The following AGBL1 variants were observed in gnomAD, a reference collection of about 807,000 sequenced individuals.
AGBL1 encodes the protein cytosolic carboxypeptidase 4.
AGBL1 carries 130 observed loss-of-function variants against 118.9 expected under a neutral mutation model. The observed-to-expected ratio is 1.09, with a 90% CI of 0.95 to 1.26. The LOEUF is 1.26. AGBL1 is among the 50% of genes most tolerant of loss of function. The pLI, the probability that AGBL1 is intolerant of heterozygous loss-of-function variation, is 0.00. For missense variants in AGBL1, 1,584 were observed against 1,298.1 expected, an observed-to-expected ratio of 1.22 and a Z score of -3.38; for synonymous variants, 555 against 478.9, an observed-to-expected ratio of 1.16 and a Z score of -2.08.
intron 22 of AGBL1, among the ~76,000 whole-genome samples, chr15:86,821,573 T>G (rs955901840): frequency 6.6e-6 from 1 of 152,190 alleles, no homozygotes; most frequent in Non-Finnish European, 1.5e-5. Flanking sequence ...GACTCATTTG[T>G]GTAACAGAAC....
At chr15:86,139,379 A>C (rs1319818799) in intron 1 of AGBL1, among the ~76,000 whole-genome samples, 3 of 152,118 alleles carry the variant, frequency 2.0e-5, no homozygotes, top group African/African-American at 7.2e-5. Context: ...AGGATTTGGC[A>C]CCACCCCGGG....
chr15:86,651,312 A>T (rs554825893), intron 21 of AGBL1, among the ~76,000 whole-genome samples: 4 of 152,168 alleles, frequency 2.6e-5, no homozygotes, highest in Non-Finnish European at 5.9e-5. Context: ...GACTCAGACA[A>T]TCTAACTAGT....
chr15:86,339,461 G>C (rs2080425976), intron 17 of AGBL1, among the ~76,000 whole-genome samples: 1 of 151,814 alleles, frequency 6.6e-6, no homozygotes, highest in Non-Finnish European at 1.5e-5. Flanking sequence ...CTCTAATTTG[G>C]GGACTCCAAT....
At chr15:86,167,891 A>G (rs966906864) in intron 5 of AGBL1, among the ~76,000 whole-genome samples, 3 of 152,232 alleles carry the variant, frequency 2.0e-5, no homozygotes, top group Non-Finnish European at 4.4e-5. Flanking sequence ...TGTGATCATT[A>G]GTCATCTTCA....
At chr15:87,014,756 T>C (rs2081593052) in intron 24 of AGBL1, among the ~76,000 whole-genome samples, 1 of 152,172 alleles carries the variant, frequency 6.6e-6, no homozygotes, top group Non-Finnish European at 1.5e-5. Flanking sequence ...AGTGGGGGAA[T>C]ACCTGAACAA....
intron 21 of AGBL1, among the ~76,000 whole-genome samples, chr15:86,632,217 A>G (rs896066544): frequency 2.0e-5 from 3 of 146,978 alleles, no homozygotes; most frequent in African/African-American, 5.1e-5. Flanking sequence ...GCAGTGAGTT[A>G]TGATCATGCC....
intron 5 of AGBL1, among the ~76,000 whole-genome samples, chr15:86,199,266 G>A (rs992799755): frequency 6.6e-6 from 1 of 152,148 alleles, no homozygotes; most frequent in Non-Finnish European, 1.5e-5. Flanking sequence ...ATGGGAGAAT[G>A]TTGCGTGAAG....
intron 1 of AGBL1, among the ~76,000 whole-genome samples, chr15:86,113,860 A>T (rs1897591413): frequency 6.6e-6 from 1 of 152,178 alleles, no homozygotes; most frequent in Non-Finnish European, 1.5e-5. Context: ...TCTAAGAAAA[A>T]TGACCCAAAT....
chr15:86,904,135 G>A (rs1390766084), intron 22 of AGBL1, among the ~76,000 whole-genome samples: 1 of 152,168 alleles, frequency 6.6e-6, no homozygotes, highest in Non-Finnish European at 1.5e-5. Flanking sequence ...CGTGTGGCTA[G>A]AGGAAACAAG....
intron 23 of AGBL1, among the ~76,000 whole-genome samples, chr15:86,951,353 C>T (rs1371643844): frequency 2.0e-5 from 3 of 152,188 alleles, no homozygotes; most frequent in East Asian, 3.9e-4. Context: ...CAAATAAATA[C>T]TTACGTTCAT....
chr15:86,883,404 G>C (rs774188423), intron 22 of AGBL1, among the ~76,000 whole-genome samples: 1 of 152,112 alleles, frequency 6.6e-6, no homozygotes, highest in Non-Finnish European at 1.5e-5. Flanking sequence ...GCACACTATG[G>C]TCTCCCATAA....
intron 22 of AGBL1, among the ~76,000 whole-genome samples, chr15:86,779,840 T>C (rs1189920240): frequency 6.6e-6 from 1 of 152,148 alleles, no homozygotes; most frequent in African/African-American, 2.4e-5. Flanking sequence ...AAGAGCCTAT[T>C]CAAACTTTTG....
At chr15:86,714,842 C>G (rs2086614177) in intron 22 of AGBL1, among the ~76,000 whole-genome samples, 1 of 152,174 alleles carries the variant, frequency 6.6e-6, no homozygotes, top group African/African-American at 2.4e-5. Context: ...GGCCCCTGCT[C>G]AGCATCCCTC....
intron 1 of AGBL1, among the ~76,000 whole-genome samples, chr15:86,081,091 TG>T (rs1296712184): frequency 6.6e-6 from 1 of 152,250 alleles, no homozygotes; most frequent in East Asian, 1.9e-4. Flanking sequence ...TCGCCCAGGC[TG>T]GAGTGCAATG....
rs192756719 is a variant in AGBL1 at position 86,601,141 on chromosome 15, T to C, written c.2994+46604T>C. Among the ~76,000 whole-genome samples, 39 of 152,274 alleles carry C rather than the reference T, an allele frequency of 2.6e-4. 1 individual carries two copies. The highest frequency in any genetic ancestry group is 9.4e-4 in the African/African-American group (39 of 41,568). ...GGAGGGAACAGTTGACAGAGTTGTT[T>C]GTTGTCAAGGAAATGGTGGGAATAA... On this transcript the variant is annotated intron_variant, in intron 21 of 22. Transcript: ENST00000614907.
intron 18 of AGBL1, among the ~76,000 whole-genome samples, chr15:86,432,823 G>C (rs1268314241): frequency 3.3e-5 from 5 of 150,804 alleles, no homozygotes; most frequent in Non-Finnish European, 7.4e-5. Context: ...GTTTTTTTTT[G>C]CTTTGAGAAC....
intron 2 of AGBL1, 87 bp downstream of exon 2, chr15:86,142,154 G>A: frequency 7.4e-7 from 1 of 1,351,262 alleles, no homozygotes; most frequent in Admixed American, 2.1e-5. Context: ...GTGACCTGGG[G>A]GTTTGCTCTT....
intron 22 of AGBL1, among the ~76,000 whole-genome samples, chr15:86,681,926 G>A (rs929990461): frequency 2.0e-5 from 3 of 152,100 alleles, no homozygotes; most frequent in African/African-American, 7.2e-5. Context: ...TGGAGACAAT[G>A]GTTTCCATAA....
At chr15:86,216,599 T>G (rs2078193444) in intron 5 of AGBL1, among the ~76,000 whole-genome samples, 1 of 152,226 alleles carries the variant, frequency 6.6e-6, no homozygotes, top group African/African-American at 2.4e-5. Flanking sequence ...AACCCTGCAT[T>G]CCTGGACTAA....
Sources: allele counts gnomAD v4.1 joint callset (sites outside exome capture counted in the v4.1 genomes callset), GRCh38; gene constraint gnomAD v4.1.1; transcripts MANE v1.5; gene names NCBI Gene and HGNC (gene_info 2026-07-23, HGNC 2026-07-21).